The following CFAP251 variants were observed in gnomAD, a reference collection of about 807,000 sequenced individuals.
CFAP251 encodes cilia- and flagella-associated protein 251.
CFAP251 carries 93 observed loss-of-function variants against 126.7 expected under a neutral mutation model. The ratio of observed to expected loss-of-function variants is 0.73; its 90% CI spans 0.62 to 0.87. The LOEUF (loss-of-function observed/expected upper bound fraction) is 0.87, where lower values mean the gene tolerates loss of function less well. Among genes scored for constraint, CFAP251 ranks in the 40% least tolerant of loss-of-function variants. CFAP251 has a pLI of 0.00. For synonymous variants in CFAP251, 503 were observed against 506.9 expected (o/e 0.99, Z 0.10); for missense variants, 1,287 against 1,389.2 (o/e 0.93, Z 1.17).
intron 17 of CFAP251, chr12:121,969,125 A>G: frequency 1.0e-6 from 1 of 985,348 alleles, no homozygotes; most frequent in Non-Finnish European, 1.2e-6. Flanking sequence ...TCCTCGGAAA[A>G]CAAACCTGAT....
intron 17 of CFAP251, chr12:121,971,609 C>G (rs1490386004): frequency 1.4e-6 from 1 of 702,910 alleles, no homozygotes; most frequent in Non-Finnish European, 2.6e-6. Context: ...CATCAAGAAG[C>G]TAACTCCAAG....
chr12:121,942,875 C>G lies in CFAP251; in HGVS notation c.1111-20C>G, dbSNP rs775254670. The G allele has an allele frequency of 1.7e-5, 27 of 1,613,628 alleles. No homozygotes were observed. In the Middle Eastern group the frequency reaches 6.6e-4, roughly 39 times the overall value. Reference sequence around the variant, plus strand: ...ACTTCACAGACCTTCTCATGCCCCTCTCTCTACTGTCACCTACAGAAGGTA... The same window carrying G: ...ACTTCACAGACCTTCTCATGCCCCTGTCTCTACTGTCACCTACAGAAGGTA... On this transcript the variant is annotated intron_variant, in intron 6 of 21. Coordinates refer to ENST00000288912, the MANE Select transcript of CFAP251 (RefSeq NM_144668.6).
At chr12:121,962,184 T>C in intron 15 of CFAP251, 22 bp downstream of exon 15, 1 of 1,607,568 alleles carries the variant, frequency 6.2e-7, no homozygotes, top group Non-Finnish European at 8.5e-7. Flanking sequence ...GAGCTTCCCA[T>C]TGCAGGGGGC....
chr12:121,938,651 A>T (rs1296104239), intron 5 of CFAP251, among the ~76,000 whole-genome samples: 1 of 150,556 alleles, frequency 6.6e-6, no homozygotes, highest in Non-Finnish European at 1.5e-5. Flanking sequence ...TTTGTAAAAA[A>T]ATGATTTTAG....
chr12:121,924,696 C>T (rs532468115), intron 3 of CFAP251, among the ~76,000 whole-genome samples: 2 of 151,970 alleles, frequency 1.3e-5, no homozygotes, highest in East Asian at 3.9e-4. Context: ...TCCCAAAGTG[C>T]TGGGATTACA....
At chr12:121,999,555 C>T in intron 19 of CFAP251, 161 bp from the exon 20 acceptor site, 1 of 550,958 alleles carries the variant, frequency 1.8e-6, no homozygotes, top group East Asian at 3.1e-5. Context: ...AGGCTGGTCT[C>T]AAACTCCTGG....
Position 121,957,133 on chromosome 12 carries a change from T to C in CFAP251, c.1595T>C (p.Ile532Thr), listed in dbSNP as rs866978893. ...NIKFYDHTLS[I>T]VNWYSHLKLG... ...AAGTTCTATGATCACACCCTGTCTA[T>C]TGTTAACTGGTACAGTCACTTGAAA... Residue 532 changes from isoleucine (I) to threonine (T), a missense_variant, in exon 11 of 22, where the codon ATT (isoleucine) becomes ACT (threonine). Transcript: ENST00000288912. 2.5e-6 allele frequency: 4 copies of C among 1,614,018 alleles called. No individual in the cohort carries two copies. Among genetic ancestry groups the C allele is most frequent in the Middle Eastern group, 3.3e-4 (2 of 6,060 alleles).
intron 19 of CFAP251, among the ~76,000 whole-genome samples, chr12:121,984,261 A>C (rs536763705): frequency 9.8e-5 from 15 of 152,292 alleles, no homozygotes; most frequent in Non-Finnish European, 1.5e-4. Flanking sequence ...AACACAGCCA[A>C]AGTGGTCATG....
rs373937834 is a variant in CFAP251, at chr12:121,928,670, G to GTATATATA, written c.748-3065_748-3058dup. ...TATATATATATACGTATATATATAC[G>GTATATATA]TATATATATATATATATACGTATAT... On this transcript the variant is annotated intron_variant, in intron 3 of 21. Transcript: ENST00000288912. Among the ~76,000 whole-genome samples the GTATATATA allele has an allele frequency of 1.4e-4, 7 of 50,880 alleles. No individual in the cohort carries two copies. In the East Asian group the frequency reaches 3.1e-3, roughly 23 times the overall value. 33.4% of individuals were successfully genotyped at this position (50,880 alleles called of 152,430 possible).
chr12:121,966,237 C>T (rs181288329), intron 15 of CFAP251, among the ~76,000 whole-genome samples: 2 of 16,052 alleles, frequency 1.2e-4, no homozygotes, highest in African/African-American at 1.7e-4. Context: ...CCCTCCCCTC[C>T]CCTTCCCTCC....
chr12:121,990,958 G>T (rs982715234), intron 19 of CFAP251, among the ~76,000 whole-genome samples: 2 of 152,196 alleles, frequency 1.3e-5, no homozygotes, highest in Non-Finnish European at 2.9e-5. Context: ...CAGTGACTAA[G>T]ATTGAAAACC....
intron 17 of CFAP251, 141 bp from the exon 18 acceptor site, chr12:121,975,103 T>C: frequency 1.6e-6 from 1 of 637,634 alleles, no homozygotes; most frequent in Admixed American, 3.0e-5. Flanking sequence ...TAAAGGACCT[T>C]TTCTTAACAA....
At chr12:121,936,019 T>A (rs1880882646) in intron 5 of CFAP251, among the ~76,000 whole-genome samples, 1 of 152,236 alleles carries the variant, frequency 6.6e-6, no homozygotes, top group Non-Finnish European at 1.5e-5. Flanking sequence ...TGGGCAGTGC[T>A]GCTCAAAGTG....
At chr12:121,954,585 A>G (rs1319827179) in intron 10 of CFAP251, among the ~76,000 whole-genome samples, 1 of 126,192 alleles carries the variant, frequency 7.9e-6, no homozygotes, top group Non-Finnish European at 1.6e-5. Context: ...GCAATGAGCT[A>G]TCATTGCCAC....
At position 121,999,698 on chromosome 12, in the gene CFAP251, TCCCC is replaced by T; in HGVS notation, c.3007-17_3007-14del. The T allele has an allele frequency of 1.9e-6, 3 of 1,560,492 alleles. No homozygotes were observed. Among genetic ancestry groups the T allele is most frequent in the Admixed American group, 3.6e-5 (2 of 55,702 alleles). ...TCTATTTACTGTGGTCTTTTTTTTTTCCCCATCTTTCCCCTAGATTGATGATATA... is the reference window on the plus strand; with the variant it reads ...TCTATTTACTGTGGTCTTTTTTTTTTATCTTTCCCCTAGATTGATGATATA... On this transcript the variant is annotated splice_polypyrimidine_tract_variant and intron_variant, in intron 19 of 21. Coordinates refer to ENST00000288912, the MANE Select transcript of CFAP251 (RefSeq NM_144668.6).
chr12:121,949,097 G>A (rs375858688), intron 8 of CFAP251, 36 bp downstream of exon 8: 57 of 1,360,038 alleles, frequency 4.2e-5, no homozygotes, highest in Non-Finnish European at 5.6e-5. Flanking sequence ...TTAAATGTGG[G>A]TAGAAGTATG....
At position 121,958,374 on chromosome 12, in the gene CFAP251, C is replaced by T; in HGVS notation, c.1833C>T (p.Ala611=). The T allele has an allele frequency of 6.2e-7, 1 of 1,614,218 alleles. No individual in the cohort carries two copies. Among genetic ancestry groups the T allele is most frequent in the Non-Finnish European group, 8.5e-7 (1 of 1,180,042 alleles). ...LFVEPKDAIC[A]ISCHPYQPLI... is the part of the protein sequence containing the mutation. The stretch of plus-strand genomic sequence containing the variant: ...TAGAGCCCAAGGATGCCATTTGTGC[C>T]ATCTCCTGCCACCCATATCAACCCC... Residue 611 remains alanine (A), a synonymous_variant, in exon 12 of 22, where the codon GCC becomes GCT. Coordinates refer to ENST00000288912, the MANE Select transcript of CFAP251 (RefSeq NM_144668.6).
At chr12:122,001,382 GA>G (rs370611561) in intron 20 of CFAP251, 114 bp from the exon 21 acceptor site, 214 of 1,029,996 alleles carry the variant, frequency 2.1e-4, no homozygotes, top group Non-Finnish European at 2.5e-4. Flanking sequence ...TTGAGTAAAA[GA>G]AAAAAAAATA....
In CFAP251 at chr12:121,962,116, A is replaced by G; in HGVS notation, c.2446A>G (p.Ser816Gly). The change falls in exon 15 of 22, where the codon AGT becomes GGT. Residue 816 changes from serine (S) to glycine (G), a missense_variant. Coordinates refer to ENST00000288912, the MANE Select transcript of CFAP251 (RefSeq NM_144668.6). Reference sequence around the variant, plus strand: ...GGAACTCTTCCTGCTTATTTGCAACAGTGGCTACAAAGTGAAGCTTTTTAA... The same window carrying G: ...GGAACTCTTCCTGCTTATTTGCAACGGTGGCTACAAAGTGAAGCTTTTTAA... ...TRELFLLICN[S>G]GYKVKLFNAT... The G allele has an allele frequency of 6.2e-7, 1 of 1,613,906 alleles. No homozygotes were observed. Among genetic ancestry groups the G allele is most frequent in the Non-Finnish European group, 8.5e-7 (1 of 1,180,034 alleles).
Sources: gnomAD v4.1 joint callset for allele counts (sites outside exome capture counted in the v4.1 genomes callset) on GRCh38, gnomAD v4.1.1 for gene constraint, MANE v1.5 for transcripts, NCBI Gene and HGNC (gene_info 2026-07-23, HGNC 2026-07-21) for gene names.